NELL1: variants seen among roughly 807,000 people sequenced by gnomAD.
NELL1 encodes protein kinase C-binding protein NELL1.
A neutral mutation model predicts 107.4 loss-of-function variants in NELL1; 76 were observed. The ratio of observed to expected loss-of-function variants is 0.71; its 90% CI spans 0.59 to 0.86. The LOEUF is 0.86. Ranked by LOEUF, NELL1 falls within the 40% of genes least tolerant of loss-of-function variation. NELL1 has a pLI of 0.00. For synonymous variants in NELL1, 353 were observed against 341.2 expected (o/e 1.03, Z -0.38); for missense variants, 1,024 against 1,005.5 (o/e 1.02, Z -0.25).
intron 16 of NELL1, among the ~76,000 whole-genome samples, chr11:21,544,330 C>T (rs1055219958): frequency 1.3e-5 from 2 of 151,868 alleles, no homozygotes; most frequent in African/African-American, 4.8e-5. Context: ...TTTTAAATTC[C>T]ATGTTGAAGA....
chr11:21,507,629 A>T (rs1855315838), intron 15 of NELL1, among the ~76,000 whole-genome samples: 1 of 152,200 alleles, frequency 6.6e-6, no homozygotes, highest in African/African-American at 2.4e-5. Flanking sequence ...TAATGAGCAA[A>T]GCATAGAATG....
chr11:21,393,990 G>T (rs995708055), intron 15 of NELL1, among the ~76,000 whole-genome samples: 1 of 151,734 alleles, frequency 6.6e-6, no homozygotes, highest in East Asian at 2.0e-4. Context: ...CCTGGGGGCA[G>T]TAGAGCAGAC....
At chr11:21,280,994 T>A (rs533011546) in intron 14 of NELL1, among the ~76,000 whole-genome samples, 1 of 151,698 alleles carries the variant, frequency 6.6e-6, no homozygotes, top group South Asian at 2.1e-4. Flanking sequence ...AGGGAGTGCT[T>A]GCACCGTCCC....
intron 3 of NELL1, among the ~76,000 whole-genome samples, chr11:20,786,448 C>T (rs757526728): frequency 1.3e-5 from 2 of 151,828 alleles, no homozygotes; most frequent in Non-Finnish European, 2.9e-5. Flanking sequence ...GGTCTCTTAC[C>T]ACTAGGGAAT....
chr11:21,557,515 T>G (rs559900309), intron 16 of NELL1, among the ~76,000 whole-genome samples: 1 of 152,144 alleles, frequency 6.6e-6, no homozygotes, highest in South Asian at 2.1e-4. Flanking sequence ...CCACTGGTGG[T>G]GGATGGGTTG....
At chr11:20,913,298 G>A (rs940599689) in intron 5 of NELL1, among the ~76,000 whole-genome samples, 2 of 151,856 alleles carry the variant, frequency 1.3e-5, no homozygotes, top group African/African-American at 4.8e-5. Flanking sequence ...CAAAAAAATA[G>A]AACCATTTTC....
chr11:21,539,152 G>A (rs988683654), intron 16 of NELL1, among the ~76,000 whole-genome samples: 3 of 152,110 alleles, frequency 2.0e-5, no homozygotes, highest in African/African-American at 7.2e-5. Flanking sequence ...TGACAAAGAT[G>A]TGGCTTGTCT....
At chr11:21,491,825 C>A (rs1254968137) in intron 15 of NELL1, among the ~76,000 whole-genome samples, 1 of 152,072 alleles carries the variant, frequency 6.6e-6, no homozygotes, top group Non-Finnish European at 1.5e-5. Context: ...TCTTCCTACC[C>A]ATGAGCATGG....
At chr11:20,674,420 A>G (rs1177989266) in intron 1 of NELL1, 3 of 1,237,546 alleles carry the variant, frequency 2.4e-6, no homozygotes, top group Middle Eastern at 1.9e-4. Context: ...CCGAGTCCTC[A>G]TGAGTCTGGT....
intron 15 of NELL1, among the ~76,000 whole-genome samples, chr11:21,503,026 C>T (rs912005741): frequency 6.6e-6 from 1 of 152,074 alleles, no homozygotes; most frequent in African/African-American, 2.4e-5. Context: ...GGGATACAGG[C>T]ATGTGCCACC....
chr11:20,911,739 C>T lies in NELL1; in HGVS notation c.604-6443C>T, dbSNP rs149278181. Among the ~76,000 whole-genome samples, 43 of 152,298 alleles carry T rather than the reference C, an allele frequency of 2.8e-4. 1 individual carries two copies. In the East Asian group the frequency reaches 8.1e-3, roughly 29 times the overall value. ...TCTTGCTTCCTAATAGGAGTGGCCTCATGGAATGGCTCATTACAAAGATAC... is the reference window on the plus strand; with the variant it reads ...TCTTGCTTCCTAATAGGAGTGGCCTTATGGAATGGCTCATTACAAAGATAC... On this transcript the variant is annotated intron_variant, in intron 5 of 19. Coordinates refer to ENST00000357134, the MANE Select transcript of NELL1 (RefSeq NM_006157.5).
chr11:21,131,323 A>G (rs1388634837), intron 13 of NELL1, among the ~76,000 whole-genome samples: 2 of 152,200 alleles, frequency 1.3e-5, no homozygotes, highest in African/African-American at 4.8e-5. Flanking sequence ...TAAGCAAATC[A>G]TTTGTGTCAG....
chr11:21,269,734 C>CT (rs1256511694), intron 14 of NELL1, among the ~76,000 whole-genome samples: 1 of 151,934 alleles, frequency 6.6e-6, no homozygotes, highest in Non-Finnish European at 1.5e-5. Context: ...CATGGATCTA[C>CT]ATAAAGAAAG....
chr11:21,414,517 A>T (rs1852457141), intron 15 of NELL1, among the ~76,000 whole-genome samples: 1 of 131,314 alleles, frequency 7.6e-6, no homozygotes, highest in Non-Finnish European at 1.7e-5. Flanking sequence ...AGAGTCACTG[A>T]TACGGCAAAT....
intron 14 of NELL1, among the ~76,000 whole-genome samples, chr11:21,360,855 G>A (rs999161826): frequency 6.6e-6 from 1 of 152,154 alleles, no homozygotes; most frequent in Non-Finnish European, 1.5e-5. Context: ...GTCTTTATGT[G>A]TTAGGTGAGT....
chr11:21,188,967 T>G (rs890974661), intron 13 of NELL1, among the ~76,000 whole-genome samples: 21 of 152,038 alleles, frequency 1.4e-4, no homozygotes, highest in Middle Eastern at 3.4e-3. Flanking sequence ...ATTTGATACT[T>G]ATCATTTTCA....
intron 13 of NELL1, among the ~76,000 whole-genome samples, chr11:21,173,755 G>GTGTGTGTGTCTGTGTGTC (rs1376221139): frequency 6.6e-6 from 1 of 151,612 alleles, no homozygotes; most frequent in African/African-American, 2.4e-5. Context: ...AGGTATGTGT[G>GTGTGTGTGTCTGTGTGTC]TGTGTGTGTC....
At chr11:21,074,995 T>C (rs569047708) in intron 12 of NELL1, among the ~76,000 whole-genome samples, 12 of 152,282 alleles carry the variant, frequency 7.9e-5, no homozygotes, top group African/African-American at 2.6e-4. Flanking sequence ...AATTCAATAG[T>C]CTAGGATTAT....
intron 12 of NELL1, among the ~76,000 whole-genome samples, chr11:21,068,662 G>A (rs1218528900): frequency 6.6e-6 from 1 of 152,164 alleles, no homozygotes; most frequent in African/African-American, 2.4e-5. Flanking sequence ...CGGGGCTGCT[G>A]AGCAAAAAGG....
Sources: gnomAD v4.1 joint callset for allele counts (sites outside exome capture counted in the v4.1 genomes callset) on GRCh38, gnomAD v4.1.1 for gene constraint, MANE v1.5 for transcripts, NCBI Gene and HGNC (gene_info 2026-07-23, HGNC 2026-07-21) for gene names.